The following PSPH variants were observed in gnomAD, a reference collection of about 807,000 sequenced individuals.
The protein encoded by PSPH is L-3-phosphoserine phosphatase.
Under a neutral mutation model 23.4 loss-of-function variants are expected in PSPH, and 16 were observed. The observed-to-expected ratio is 0.68, with a 90% CI of 0.46 to 1.04. The LOEUF (loss-of-function observed/expected upper bound fraction) is 1.04, where lower values mean the gene tolerates loss of function less well. Ranked by LOEUF, PSPH falls within the 50% of genes least tolerant of loss-of-function variation. The pLI, the probability that PSPH is intolerant of heterozygous loss-of-function variation, is 0.00. For missense variants in PSPH, 223 were observed against 273.7 expected (o/e 0.81, Z 1.31); for synonymous variants, 68 against 99.7 (o/e 0.68, Z 1.89).
rs138940715 is a variant in PSPH, at chr7:56,035,638, G to A, written c.-291-1532C>T. Among the ~76,000 whole-genome samples, 32 of 151,454 alleles carry A rather than the reference G, an allele frequency of 2.1e-4. 2 individuals carry two copies. Among genetic ancestry groups the A allele is most frequent in the African/African-American group, 7.5e-4 (31 of 41,312 alleles). ...CCAAAACACAATTTTTTTTTCCCCC[G>A]AGACTGAGTCTCACTCTGTTGCCCA... On this transcript the variant is annotated intron_variant, in intron 1 of 7. Transcript: ENST00000275605.
At chr7:56,017,489 T>C in intron 5 of PSPH, 110 bp from the exon 6 acceptor site, 2 of 1,529,202 alleles carry the variant, frequency 1.3e-6, no homozygotes, top group Non-Finnish European at 8.8e-7. Context: ...CTGAATGCAT[T>C]TGCCTGAGGT....
rs375283758 is a variant in PSPH at position 56,019,637 on chromosome 7, T to C, written c.238A>G (p.Ile80Val). ...GTCAGGTGTGGGGGTTGCTCTGCTA[T>C]GAGTCTCTGCACCTGCTCCCTGGAG... is the stretch of plus-strand genomic sequence containing the variant. Reference protein sequence around the residue: ...QPSREQVQRLIAEQPPHLTPG... With the variant: ...QPSREQVQRLVAEQPPHLTPG... The change falls in exon 5 of 8, where the codon ATA (isoleucine) becomes GTA (valine). Residue 80 changes from isoleucine (I) to valine (V), a missense_variant. By Grantham distance (29) the Ile-to-Val change is conservative (BLOSUM62 3). Coordinates refer to ENST00000275605, the MANE Select transcript of PSPH (RefSeq NM_004577.4). 2.2e-5 allele frequency: 35 copies of C among 1,613,984 alleles called. No individual in the cohort carries two copies. In the East Asian group the frequency reaches 4.2e-4, roughly 20 times the overall value.
At chr7:56,040,299 CTA>C (rs1235260196) in intron 1 of PSPH, among the ~76,000 whole-genome samples, 2 of 152,036 alleles carry the variant, frequency 1.3e-5, no homozygotes, top group South Asian at 2.1e-4. Context: ...AAAGAAATCT[CTA>C]TGTGTGTCTA....
chr7:56,013,960 T>G (rs1182757445), intron 7 of PSPH, among the ~76,000 whole-genome samples: 1 of 151,922 alleles, frequency 6.6e-6, no homozygotes, highest in Middle Eastern at 3.2e-3. Context: ...TAACTCTGCC[T>G]CTACCAAAAA....
At position 56,041,235 on chromosome 7, in the gene PSPH, CAG is replaced by C. The variant is rs1792498963; in HGVS notation, c.-291-7131_-291-7130del. ...TTTTTTTTTTTTTTTTTTTTTGAGACAGAATCTCGCTCTGTGGCCTAGGCTGG... is the reference window on the plus strand; with the variant it reads ...TTTTTTTTTTTTTTTTTTTTTGAGACAATCTCGCTCTGTGGCCTAGGCTGG... On this transcript the variant is annotated intron_variant, in intron 1 of 7. Coordinates refer to ENST00000275605, the MANE Select transcript of PSPH (RefSeq NM_004577.4). Among the ~76,000 whole-genome samples, 3 of 126,932 alleles carry C rather than the reference CAG, an allele frequency of 2.4e-5. No individual in the cohort carries two copies. In the South Asian group the frequency reaches 7.6e-4, roughly 32 times the overall value. 83.3% of individuals were successfully genotyped at this position (126,932 alleles called of 152,430 possible). A position where few individuals can be genotyped will look rare whatever the true frequency, so the allele number is the denominator to read the frequency against.
intron 5 of PSPH, among the ~76,000 whole-genome samples, chr7:56,018,566 G>A (rs941954987): frequency 1.3e-5 from 2 of 152,068 alleles, no homozygotes; most frequent in Non-Finnish European, 2.9e-5. Flanking sequence ...CACAGGCCAC[G>A]CCTTTAAATC....
At chr7:56,016,053 AC>A (rs1365445027) in intron 6 of PSPH, among the ~76,000 whole-genome samples, 1 of 152,114 alleles carries the variant, frequency 6.6e-6, no homozygotes, top group Non-Finnish European at 1.5e-5. Flanking sequence ...TACAGTAATT[AC>A]CACACTCATT....
In PSPH at chr7:56,019,753, A is replaced by G; in HGVS notation, c.141-19T>C. The stretch of plus-strand genomic sequence containing the variant: ...CCGTGTCCTAGGAGGGAGACCCAAC[A>G]GTCAGGCCAGCCAGGTCCGATGTCC... On this transcript the variant is annotated intron_variant, in intron 4 of 7. Coordinates refer to ENST00000275605, the MANE Select transcript of PSPH (RefSeq NM_004577.4). 1 of 1,611,894 alleles carries G rather than the reference A, an allele frequency of 6.2e-7. No homozygotes were observed. The highest frequency in any genetic ancestry group is 8.5e-7 in the Non-Finnish European group (1 of 1,179,774).
rs754299726 is a variant in PSPH at position 56,017,370 on chromosome 7, TAC to T, written c.283_284del (p.Val95LysfsTer18). On this transcript the variant is annotated frameshift_variant, in exon 6 of 8. Coordinates refer to ENST00000275605, the MANE Select transcript of PSPH (RefSeq NM_004577.4). LOFTEE classifies it high-confidence loss of function. ...PHLTPGIRELVSRLQERNVQV... is the reference protein window; with the variant it reads ...PHLTPGIRELXSRLQERNVQV... ...GAACATTTCGCTCCTGTAGGCGACT[TAC>T]CAGCTCCCTGCAAAATAAAATACAA... The T allele has an allele frequency of 6.5e-7, 1 of 1,527,778 alleles. No homozygotes were observed. Among genetic ancestry groups the T allele is most frequent in the South Asian group, 1.1e-5 (1 of 90,004 alleles). 94.6% of individuals were successfully genotyped at this position (1,527,778 alleles called of 1,614,324 possible).
At position 56,011,741 on chromosome 7, in the gene PSPH, G is replaced by A. The variant is rs1184471374; in HGVS notation, c.*21C>T. 2 of 1,565,542 alleles carry A rather than the reference G, an allele frequency of 1.3e-6. No homozygotes were observed. On this transcript the variant is annotated 3_prime_UTR_variant, in exon 8 of 8. Transcript: ENST00000275605. ...TGTAAAAATTCATCTGAAGTTGTTT[G>A]GAGCTGTACGACAATGGATGTTATT...
At chr7:56,036,562 G>A (rs1206987180) in intron 1 of PSPH, among the ~76,000 whole-genome samples, 1 of 151,888 alleles carries the variant, frequency 6.6e-6, no homozygotes, top group African/African-American at 2.4e-5. Context: ...CCAGGATTTC[G>A]AGGTTACAGT....
chr7:56,016,992 G>A (rs1416928407), intron 6 of PSPH, among the ~76,000 whole-genome samples: 2 of 152,180 alleles, frequency 1.3e-5, no homozygotes, highest in African/African-American at 2.4e-5. Context: ...AATGTTTCAC[G>A]AAATGCAGAC....
At chr7:56,046,622 A>G (rs1334298358) in intron 1 of PSPH, among the ~76,000 whole-genome samples, 1 of 152,008 alleles carries the variant, frequency 6.6e-6, no homozygotes, top group East Asian at 1.9e-4. Flanking sequence ...CTGTCTCTAC[A>G]AACATACACA....
rs188303677 is a variant in PSPH, at chr7:56,032,426, T to C, written c.-145-372A>G. On this transcript the variant is annotated intron_variant, in intron 2 of 7. Coordinates refer to ENST00000275605, the MANE Select transcript of PSPH (RefSeq NM_004577.4). ...CTGTAATCCCAGCACTTTGGGAGGC[T>C]AAGGCGGGCGGATCACGAGGTCAGA... Among the ~76,000 whole-genome samples, 500 of 144,880 alleles carry C rather than the reference T, an allele frequency of 3.5e-3. 2 individuals carry two copies. The highest frequency in any genetic ancestry group is 0.012 in the African/African-American group (475 of 38,830).
chr7:56,014,771 T>A (rs537923093), intron 7 of PSPH, among the ~76,000 whole-genome samples: 8 of 152,122 alleles, frequency 5.3e-5, no homozygotes, highest in Admixed American at 4.6e-4. Flanking sequence ...TGGCGAAACA[T>A]TGTCTCTACT....
At chr7:56,040,497 G>A (rs1433881897) in intron 1 of PSPH, among the ~76,000 whole-genome samples, 2 of 152,028 alleles carry the variant, frequency 1.3e-5, no homozygotes, top group East Asian at 3.9e-4. Flanking sequence ...GGGTTCAAGC[G>A]ATGGGATTTT....
chr7:56,044,090 G>A (rs1480710735), intron 1 of PSPH, among the ~76,000 whole-genome samples: 3 of 152,036 alleles, frequency 2.0e-5, no homozygotes, highest in Admixed American at 6.6e-5. Flanking sequence ...CCGTGTAGCT[G>A]GGAATACACG....
intron 3 of PSPH, among the ~76,000 whole-genome samples, chr7:56,021,890 C>A (rs1441438770): frequency 1.5e-5 from 2 of 135,356 alleles, no homozygotes; most frequent in Admixed American, 1.7e-4. Flanking sequence ...GTGGAGCTTG[C>A]GGTGAGCCAA....
intron 1 of PSPH, among the ~76,000 whole-genome samples, chr7:56,044,339 A>AT (rs1792950913): frequency 6.6e-6 from 1 of 152,306 alleles, no homozygotes; most frequent in Admixed American, 6.5e-5. Context: ...AAGCAAGAGC[A>AT]TTGAGTGTAC....
Sources: allele counts gnomAD v4.1 joint callset (sites outside exome capture counted in the v4.1 genomes callset), GRCh38; gene constraint gnomAD v4.1.1; transcripts MANE v1.5; gene names NCBI Gene and HGNC (gene_info 2026-07-23, HGNC 2026-07-21).